Variants in SHISA5 observed in about 807,000 individuals in gnomAD.
The protein encoded by SHISA5 is protein shisa-5.
SHISA5 carries 21 observed loss-of-function variants against 27.5 expected under a neutral mutation model. The ratio of observed to expected loss-of-function variants is 0.76; its 90% CI spans 0.54 to 1.10. The LOEUF (loss-of-function observed/expected upper bound fraction) is 1.10, where lower values mean the gene tolerates loss of function less well. SHISA5 is among the 50% of genes least tolerant of loss of function. SHISA5 has a pLI of 0.00. For synonymous variants in SHISA5, 137 were observed against 142.2 expected (o/e 0.96, Z 0.26); for missense variants, 314 against 336.3 (o/e 0.93, Z 0.52).
At chr3:48,483,234 G>A (rs1238897105) in intron 2 of SHISA5, among the ~76,000 whole-genome samples, 5 of 152,076 alleles carry the variant, frequency 3.3e-5, no homozygotes, top group Non-Finnish European at 5.9e-5. Flanking sequence ...AGGACCCTGC[G>A]GCCTTCAGCA....
intron 3 of SHISA5, among the ~76,000 whole-genome samples, chr3:48,478,535 C>T (rs2040895597): frequency 6.6e-6 from 1 of 152,124 alleles, no homozygotes; most frequent in South Asian, 2.1e-4. Context: ...CCCATTCCAC[C>T]TCCAGGAAGA....
chr3:48,483,439 A>G (rs1368860970), intron 2 of SHISA5, among the ~76,000 whole-genome samples: 1 of 152,224 alleles, frequency 6.6e-6, no homozygotes, highest in Non-Finnish European at 1.5e-5. Flanking sequence ...CCAAGGCAGA[A>G]GAATTTTTCT....
At chr3:48,501,404 C>A in intron 1 of SHISA5, 111 bp from the exon 2 acceptor site, 1 of 1,246,526 alleles carries the variant, frequency 8.0e-7, no homozygotes, top group Non-Finnish European at 1.1e-6. Context: ...CATGCTGCAC[C>A]GTCTCTGAGC....
chr3:48,501,278 C>G lies in SHISA5; in HGVS notation c.92G>C (p.Cys31Ser). Residue 31 changes from cysteine to serine, a missense_variant, in exon 2 of 6, where the codon TGT becomes TCT. Transcript: ENST00000296444. ...TPPPGARGEV[C>S]MASRGLSLFP... is the part of the protein sequence containing the mutation. Reference sequence around the variant, plus strand: ...GAGGCTGAGTCCACGGGAAGCCATACACACCTCACCACGTGCTGGAGAGGA... The same window carrying G: ...GAGGCTGAGTCCACGGGAAGCCATAGACACCTCACCACGTGCTGGAGAGGA... The G allele has an allele frequency of 6.2e-7, 1 of 1,613,920 alleles. No individual in the cohort carries two copies. Among genetic ancestry groups the G allele is most frequent in the Non-Finnish European group, 8.5e-7 (1 of 1,179,840 alleles).
chr3:48,479,094 G>C, intron 3 of SHISA5, 83 bp downstream of exon 3: 1 of 1,270,570 alleles, frequency 7.9e-7, no homozygotes, highest in Non-Finnish European at 1.1e-6. Flanking sequence ...AATCATCCCA[G>C]TCCCCCAGAT....
chr3:48,482,672 G>C (rs1181075563), intron 2 of SHISA5, among the ~76,000 whole-genome samples: 2 of 150,776 alleles, frequency 1.3e-5, no homozygotes, highest in Non-Finnish European at 2.9e-5. Context: ...CTCGTCTCTT[G>C]TCGCCCAGGC....
chr3:48,476,017 C>T (rs1246944808), intron 3 of SHISA5, among the ~76,000 whole-genome samples: 1 of 152,158 alleles, frequency 6.6e-6, no homozygotes, highest in African/African-American at 2.4e-5. Flanking sequence ...TGGATCCAGG[C>T]TCCAGCCTGC....
At chr3:48,484,558 T>A (rs2041135794) in intron 2 of SHISA5, among the ~76,000 whole-genome samples, 1 of 151,062 alleles carries the variant, frequency 6.6e-6, no homozygotes, top group Non-Finnish European at 1.5e-5. Flanking sequence ...ATTGTGCTAC[T>A]CCAGCCTGGG....
In SHISA5 at chr3:48,468,419, C is replaced by T. The variant is rs753577191; in HGVS notation, c.*688G>A. On this transcript the variant is annotated 3_prime_UTR_variant, in exon 6 of 6. Coordinates refer to ENST00000296444, the MANE Select transcript of SHISA5 (RefSeq NM_016479.6). ...CCTCCAGCTGGTCCCAGGGGAGATG[C>T]GGGGACAGGGGACAGTCCAGGCAGA... 3.7e-4 allele frequency: 416 copies of T among 1,116,860 alleles called. No individual in the cohort carries two copies. Among genetic ancestry groups the T allele is most frequent in the Admixed American group, 5.6e-4 (12 of 21,436 alleles). The allele number at this position is 1,116,860 out of a possible 1,614,324, so 69.2% of individuals were successfully genotyped here. A position where few individuals can be genotyped will look rare whatever the true frequency, so the allele number is the denominator to read the frequency against.
At chr3:48,480,773 AT>A (rs1490254467) in intron 2 of SHISA5, among the ~76,000 whole-genome samples, 15 of 152,202 alleles carry the variant, frequency 9.9e-5, no homozygotes, top group African/African-American at 3.4e-4. Flanking sequence ...AATAATAATA[AT>A]TTATCAGAAA....
At chr3:48,486,236 TTACATATATTATATATTA>T (rs1355153265) in intron 2 of SHISA5, among the ~76,000 whole-genome samples, 1 of 104,694 alleles carries the variant, frequency 9.6e-6, no homozygotes, top group Non-Finnish European at 1.8e-5. Context: ...AGATTATAGA[TTACATATATTATATATTA>T]TATATAATAC....
At chr3:48,483,394 C>T (rs973132138) in intron 2 of SHISA5, among the ~76,000 whole-genome samples, 4 of 152,068 alleles carry the variant, frequency 2.6e-5, no homozygotes, top group Middle Eastern at 3.2e-3. Flanking sequence ...TCAGAGAGCA[C>T]AGGGTTGGGG....
intron 1 of SHISA5, chr3:48,503,619 G>T: frequency 1.2e-6 from 1 of 804,118 alleles, no homozygotes; most frequent in Non-Finnish European, 1.6e-6. Flanking sequence ...AGCGGTGGGG[G>T]CTCCCAGACA....
rs1480093947 is a variant in SHISA5 at position 48,469,870 on chromosome 3, G to C, written c.315-27C>G. The C allele has an allele frequency of 5.0e-6, 8 of 1,601,518 alleles. No individual in the cohort carries two copies. Among genetic ancestry groups the C allele is most frequent in the Non-Finnish European group, 8.5e-7 (1 of 1,173,964 alleles). ...TGCCAAAGAGCTAGACGTGACCCGG[G>C]GCACCTCGCCCCTCCCCAGACCAGC... is the stretch of plus-strand genomic sequence containing the variant. On this transcript the variant is annotated intron_variant, in intron 3 of 5. Transcript: ENST00000296444. The surrounding 1 kb of genome is among the most constrained non-coding windows in gnomAD (Gnocchi z 4.6).
chr3:48,473,468 T>G lies in SHISA5; in HGVS notation c.315-3625A>C. The G allele has an allele frequency of 7.7e-7, 1 of 1,293,366 alleles. No homozygotes were observed. The highest frequency in any genetic ancestry group is 2.3e-5 in the Admixed American group (1 of 43,650). 80.1% of individuals were successfully genotyped at this position (1,293,366 alleles called of 1,614,324 possible). A position where few individuals can be genotyped will look rare whatever the true frequency, so the allele number is the denominator to read the frequency against. On this transcript the variant is annotated intron_variant, in intron 3 of 5. Coordinates refer to ENST00000296444, the MANE Select transcript of SHISA5 (RefSeq NM_016479.6). The surrounding 1 kb of genome is among the most constrained non-coding windows in gnomAD (Gnocchi z 4.3). Reference sequence around the variant, plus strand: ...TCCACCAGCCTCCAGGAGGAGCTTCTGCATCCATCTAGGCCCAGAGGGCGA... The same window carrying G: ...TCCACCAGCCTCCAGGAGGAGCTTCGGCATCCATCTAGGCCCAGAGGGCGA...
At chr3:48,499,141 T>G (rs2041674949) in intron 2 of SHISA5, among the ~76,000 whole-genome samples, 1 of 149,358 alleles carries the variant, frequency 6.7e-6, no homozygotes, top group African/African-American at 2.5e-5. Context: ...GATGCAAATA[T>G]AACCCCAGAA....
chr3:48,504,232 G>C (rs1485058194), upstream of SHISA5: 9 of 387,238 alleles, frequency 2.3e-5, no homozygotes, highest in East Asian at 3.5e-4. This position sits in a 1 kb window ranked among gnomAD's most constrained non-coding sequence, Gnocchi z 4.0. Context: ...CTGTCCGGGG[G>C]AGCAGGAGGA....
Position 48,475,259 on chromosome 3 carries a change from G to A in SHISA5, c.314+3918C>T, listed in dbSNP as rs189119406. Among the ~76,000 whole-genome samples the A allele has an allele frequency of 2.8e-3, 420 of 152,278 alleles. 2 individuals are homozygous for A. The highest frequency in any genetic ancestry group is 9.8e-3 in the African/African-American group (407 of 41,562). ...GTTGCAGAGCGGGGCTAGGGTACAA[G>A]GCCACACGTGGCTACAGTACCAATG... On this transcript the variant is annotated intron_variant, in intron 3 of 5. Coordinates refer to ENST00000296444, the MANE Select transcript of SHISA5 (RefSeq NM_016479.6).
chr3:48,500,183 G>A (rs1296126447), intron 2 of SHISA5, among the ~76,000 whole-genome samples: 1 of 152,216 alleles, frequency 6.6e-6, no homozygotes, highest in African/African-American at 2.4e-5. Flanking sequence ...AGGGCCAGAT[G>A]TGCCACAGCA....
Sources: gnomAD v4.1 joint callset for allele counts (sites outside exome capture counted in the v4.1 genomes callset) on GRCh38, gnomAD v4.1.1 for gene constraint, Gnocchi (gnomAD v3.1) non-coding constraint, MANE v1.5 for transcripts, NCBI Gene and HGNC (gene_info 2026-07-23, HGNC 2026-07-21) for gene names.